NIPAL2: variants seen among roughly 807,000 people sequenced by gnomAD.
NIPAL2 encodes NIPA like domain containing 2.
Under a neutral mutation model 48.9 loss-of-function variants are expected in NIPAL2, and 43 were observed. The observed-to-expected ratio is 0.88, with a 90% confidence interval of 0.69 to 1.13. NIPAL2 has a LOEUF of 1.13. Among genes scored for constraint, NIPAL2 ranks in the 50% most tolerant of loss-of-function variants. The pLI is 0.00. For missense variants in NIPAL2, 446 were observed against 461.4 expected (o/e 0.97, Z 0.31); for synonymous variants, 167 against 174.6 (o/e 0.96, Z 0.34).
chr8:98,212,654 C>T (rs928181532), intron 5 of NIPAL2, among the ~76,000 whole-genome samples, 153 bp from the exon 6 acceptor site: 7 of 152,238 alleles, frequency 4.6e-5, no homozygotes, highest in African/African-American at 1.2e-4. Flanking sequence ...ATAAGCACCT[C>T]GGCCATCCAG....
At chr8:98,280,401 A>G (rs577267483) in intron 1 of NIPAL2, among the ~76,000 whole-genome samples, 1 of 152,318 alleles carries the variant, frequency 6.6e-6, no homozygotes, top group Admixed American at 6.5e-5. Context: ...TAAAACATGC[A>G]TGAACTGGAA....
At chr8:98,210,352 T>C (rs1414113215) in intron 6 of NIPAL2, among the ~76,000 whole-genome samples, 2 of 152,238 alleles carry the variant, frequency 1.3e-5, no homozygotes, top group East Asian at 3.8e-4. Context: ...GTTTGTACTT[T>C]GCACAGCTGC....
chr8:98,259,923 C>T (rs567629833), intron 1 of NIPAL2, among the ~76,000 whole-genome samples: 46 of 152,252 alleles, frequency 3.0e-4, no homozygotes, highest in East Asian at 1.2e-3. Context: ...CCCCAGCTGA[C>T]GAATTGATTC....
intron 4 of NIPAL2, among the ~76,000 whole-genome samples, chr8:98,229,104 C>T (rs1209923979): frequency 6.6e-6 from 1 of 152,106 alleles, no homozygotes; most frequent in Admixed American, 6.5e-5. Context: ...TAGATGCTAC[C>T]CACAATGCAG....
At chr8:98,248,454 G>A (rs1012323826) in intron 3 of NIPAL2, among the ~76,000 whole-genome samples, 16 of 152,228 alleles carry the variant, frequency 1.1e-4, no homozygotes, top group Non-Finnish European at 1.2e-4. Context: ...GTCCTTAGAT[G>A]TTTGAGTTTA....
At chr8:98,217,299 A>G (rs915837639) in intron 5 of NIPAL2, 108 of 984,930 alleles carry the variant, frequency 1.1e-4, no homozygotes, top group Non-Finnish European at 1.3e-4. Flanking sequence ...GGGGCACGCA[A>G]ACACACAAGA....
intron 4 of NIPAL2, among the ~76,000 whole-genome samples, chr8:98,233,543 G>A (rs1240450217): frequency 6.6e-6 from 1 of 152,168 alleles, no homozygotes; most frequent in Non-Finnish European, 1.5e-5. Flanking sequence ...CCAGAAAAGT[G>A]AGGCTTAGAG....
chr8:98,285,000 A>G (rs1442401695), intron 1 of NIPAL2, among the ~76,000 whole-genome samples: 1 of 152,064 alleles, frequency 6.6e-6, no homozygotes, highest in African/African-American at 2.4e-5. Flanking sequence ...GGGTAAGGAG[A>G]GATATATTTA....
intron 4 of NIPAL2, among the ~76,000 whole-genome samples, chr8:98,232,632 A>G (rs1812492924): frequency 6.6e-6 from 1 of 152,230 alleles, no homozygotes; most frequent in African/African-American, 2.4e-5. Context: ...TAAAAAGCTT[A>G]TTTATATAAC....
chr8:98,238,583 G>C (rs115593335), intron 3 of NIPAL2, among the ~76,000 whole-genome samples: 1 of 150,782 alleles, frequency 6.6e-6, no homozygotes, highest in Non-Finnish European at 1.5e-5. Context: ...CCTCATGCAG[G>C]ATAAGATGAG....
intron 1 of NIPAL2, among the ~76,000 whole-genome samples, chr8:98,293,063 A>G (rs1009205099): frequency 1.4e-4 from 22 of 152,238 alleles, no homozygotes; most frequent in Non-Finnish European, 4.4e-5. Flanking sequence ...GCATTCAGAA[A>G]TTAATATTTA....
intron 3 of NIPAL2, 101 bp from the exon 4 acceptor site, chr8:98,236,315 AG>A (rs1197760223): frequency 1.4e-6 from 1 of 726,774 alleles, no homozygotes; most frequent in Non-Finnish European, 2.3e-6. Flanking sequence ...ATGCCTGATG[AG>A]CTATGTCCTG....
chr8:98,237,134 C>A (rs2130792957), intron 3 of NIPAL2, among the ~76,000 whole-genome samples: 1 of 152,024 alleles, frequency 6.6e-6, no homozygotes, highest in African/African-American at 2.4e-5. Flanking sequence ...GATCATAACT[C>A]ACTGCAACAT....
intron 1 of NIPAL2, among the ~76,000 whole-genome samples, chr8:98,267,675 T>C (rs373148765): frequency 6.6e-6 from 1 of 152,170 alleles, no homozygotes; most frequent in Non-Finnish European, 1.5e-5. Flanking sequence ...TTATTTTAAC[T>C]TTTTAAGCCA....
rs781048613 is a variant in NIPAL2 at position 98,294,064 on chromosome 8, G to C, written c.74C>G (p.Thr25Arg). The stretch of plus-strand genomic sequence containing the variant: ...GTTGCCGGCGCCTGGTGCCCCGTAC[G>C]TGAAATTCAGTGACAGCTCGTCCAG... ...AALDELSLNF[T>R]YGAPGAGNGS... Residue 25 changes from threonine (T) to arginine (R), a missense_variant, in exon 1 of 11, where the codon ACG (threonine) becomes AGG (arginine). Physicochemically the swap from Thr to Arg is moderately conservative, Grantham distance 71. Transcript: ENST00000430223. The C allele has an allele frequency of 4.0e-6, 6 of 1,500,924 alleles. No homozygotes were observed. Among genetic ancestry groups the C allele is most frequent in the Non-Finnish European group, 4.4e-6 (5 of 1,125,626 alleles). 93.0% of individuals were successfully genotyped at this position (1,500,924 alleles called of 1,614,324 possible).
chr8:98,225,698 G>A (rs550721329), intron 4 of NIPAL2, among the ~76,000 whole-genome samples: 38 of 152,116 alleles, frequency 2.5e-4, no homozygotes, highest in African/African-American at 8.7e-4. Flanking sequence ...AAATCTGCTC[G>A]GTGTTCTGTA....
chr8:98,281,693 A>G (rs1241293010), intron 1 of NIPAL2, among the ~76,000 whole-genome samples: 1 of 152,222 alleles, frequency 6.6e-6, no homozygotes, highest in Admixed American at 6.5e-5. Flanking sequence ...AGCAACCACT[A>G]ACAAGCAGAG....
At chr8:98,197,235 G>A (rs1043841429) in intron 8 of NIPAL2, among the ~76,000 whole-genome samples, 3 of 151,846 alleles carry the variant, frequency 2.0e-5, no homozygotes, top group African/African-American at 7.3e-5. Flanking sequence ...GTTTCCCAGT[G>A]TACATAAAAG....
At chr8:98,228,408 C>T (rs536378458) in intron 4 of NIPAL2, among the ~76,000 whole-genome samples, 2 of 152,306 alleles carry the variant, frequency 1.3e-5, no homozygotes, top group South Asian at 4.1e-4. Flanking sequence ...TAGGTCAAGA[C>T]TTGGATCCCA....
Sources: allele counts gnomAD v4.1 joint callset (sites outside exome capture counted in the v4.1 genomes callset), GRCh38; gene constraint gnomAD v4.1.1; transcripts MANE v1.5; gene names NCBI Gene and HGNC (gene_info 2026-07-23, HGNC 2026-07-21).